Variants in COL22A1 observed in about 807,000 individuals in gnomAD.
COL22A1 encodes collagen alpha-1(XXII) chain.
In COL22A1, 221 loss-of-function variants were observed where a neutral mutation model predicts 248.9. The observed-to-expected ratio is 0.89, with a 90% CI of 0.80 to 0.99. The LOEUF (loss-of-function observed/expected upper bound fraction) is 0.99. Among genes scored for constraint, COL22A1 ranks in the 50% least tolerant of loss-of-function variants. COL22A1 has a pLI of 0.00. For missense variants in COL22A1, 2,240 were observed against 2,179.0 expected (o/e 1.03, Z -0.56); for synonymous variants, 891 against 793.4 (o/e 1.12, Z -2.07).
intron 23 of COL22A1, among the ~76,000 whole-genome samples, chr8:138,728,447 C>T (rs944395420): frequency 4.6e-5 from 7 of 152,120 alleles, no homozygotes; most frequent in African/African-American, 1.7e-4. Context: ...ATTCAGTTCC[C>T]TTCCCTCCTT....
At chr8:138,842,414 G>A (rs751848664) in intron 4 of COL22A1, among the ~76,000 whole-genome samples, 13 of 152,264 alleles carry the variant, frequency 8.5e-5, no homozygotes, top group South Asian at 2.1e-4. Context: ...AAGGACTCAC[G>A]GCTCCCAAAG....
intron 4 of COL22A1, among the ~76,000 whole-genome samples, chr8:138,836,092 G>A (rs1274083325): frequency 1.5e-4 from 23 of 152,170 alleles, no homozygotes; most frequent in Admixed American, 1.5e-3. Flanking sequence ...CCAACATGGT[G>A]AGACCCTGTC....
chr8:138,689,081 A>T (rs180826340), intron 36 of COL22A1, 111 bp from the exon 37 acceptor site: 3 of 817,568 alleles, frequency 3.7e-6, no homozygotes, highest in Non-Finnish European at 4.3e-6. Context: ...CAACGACTAC[A>T]GCTCCCACCC....
intron 53 of COL22A1, 105 bp from the exon 54 acceptor site, chr8:138,617,063 T>C: frequency 3.4e-6 from 4 of 1,177,272 alleles, no homozygotes; most frequent in Non-Finnish European, 3.8e-6. Context: ...CCCCCGCTCA[T>C]TCTTTACCAT....
chr8:138,658,210 C>T (rs1301527134), intron 44 of COL22A1, among the ~76,000 whole-genome samples: 1 of 152,192 alleles, frequency 6.6e-6, no homozygotes, highest in Non-Finnish European at 1.5e-5. Context: ...TAATAATTAG[C>T]TCAGCAGGCC....
At chr8:138,655,788 G>A (rs914865603) in intron 45 of COL22A1, 109 bp downstream of exon 45, 10 of 917,510 alleles carry the variant, frequency 1.1e-5, no homozygotes, top group East Asian at 7.2e-5. Context: ...TGCTGTTATC[G>A]TTAATACTAC....
At chr8:138,611,492 G>A (rs545713705) in intron 56 of COL22A1, among the ~76,000 whole-genome samples, 5 of 152,232 alleles carry the variant, frequency 3.3e-5, no homozygotes, top group Non-Finnish European at 7.3e-5. Context: ...GGGCTCTGGA[G>A]CAGGGTTTCT....
intron 32 of COL22A1, among the ~76,000 whole-genome samples, chr8:138,699,530 A>G (rs1363658624): frequency 6.6e-6 from 1 of 152,228 alleles, no homozygotes; most frequent in Non-Finnish European, 1.5e-5. Flanking sequence ...CTGAAGAGCC[A>G]TTCGTGAAAA....
intron 13 of COL22A1, 28 bp downstream of exon 13, chr8:138,780,899 G>A: frequency 6.3e-7 from 1 of 1,599,796 alleles, no homozygotes. Flanking sequence ...ACTGCCTTGT[G>A]AGCCAGGGCA....
intron 7 of COL22A1, among the ~76,000 whole-genome samples, chr8:138,819,195 T>G (rs1681289500): frequency 6.6e-6 from 1 of 152,214 alleles, no homozygotes; most frequent in African/African-American, 2.4e-5. Flanking sequence ...GAATGCCACT[T>G]CCTAAAATTT....
At chr8:138,907,426 T>C (rs1406173890) in intron 1 of COL22A1, among the ~76,000 whole-genome samples, 1 of 152,258 alleles carries the variant, frequency 6.6e-6, no homozygotes, top group Non-Finnish European at 1.5e-5. Flanking sequence ...AGGTTCTGTC[T>C]GAGCAAAGGA....
chr8:138,687,076 C>T (rs893277070), intron 37 of COL22A1, among the ~76,000 whole-genome samples: 1 of 152,222 alleles, frequency 6.6e-6, no homozygotes, highest in Non-Finnish European at 1.5e-5. Flanking sequence ...TGTGCCTCAG[C>T]TTCCCAAGTA....
At chr8:138,864,285 G>A (rs1186766493) in intron 3 of COL22A1, among the ~76,000 whole-genome samples, 1 of 152,016 alleles carries the variant, frequency 6.6e-6, no homozygotes, top group East Asian at 1.9e-4. Context: ...CTGGGCCCAG[G>A]GGGCTTTAAG....
At chr8:138,796,797 G>A in intron 12 of COL22A1, 22 bp downstream of exon 12, 1 of 1,541,838 alleles carries the variant, frequency 6.5e-7, no homozygotes, top group Non-Finnish European at 9.0e-7. Flanking sequence ...TTGGAGGAGT[G>A]TGATAAAAGG....
In COL22A1 at chr8:138,619,456, G is replaced by A; in HGVS notation, c.3824C>T (p.Pro1275Leu). 2 of 1,613,982 alleles carry A rather than the reference G, an allele frequency of 1.2e-6. No individual in the cohort carries two copies. The highest frequency in any genetic ancestry group is 1.3e-5 in the African/African-American group (1 of 75,044). ...LPGPEGARGP[P>L]GFKGHTGDSG... is the part of the protein sequence containing the mutation. Reference sequence around the variant, plus strand: ...TCCCCACACACACTACACACTTACAGGTGGGCCTCGGGCACCCTCTGGTCC... The same window carrying A: ...TCCCCACACACACTACACACTTACAAGTGGGCCTCGGGCACCCTCTGGTCC... The change falls in exon 53 of 65, where the codon CCT becomes CTT. Residue 1275 changes from proline (P) to leucine (L), a missense_variant and splice_region_variant. Coordinates refer to ENST00000303045, the MANE Select transcript of COL22A1 (RefSeq NM_152888.3).
chr8:138,854,761 G>A (rs1057474868), intron 3 of COL22A1, among the ~76,000 whole-genome samples: 2 of 152,132 alleles, frequency 1.3e-5, no homozygotes, highest in Admixed American at 6.5e-5. Flanking sequence ...TCTTCTCATA[G>A]AGACAGCTTG....
At chr8:138,760,101 C>T in intron 18 of COL22A1, 142 bp downstream of exon 18, 1 of 491,252 alleles carries the variant, frequency 2.0e-6, no homozygotes, top group Non-Finnish European at 3.5e-6. Flanking sequence ...GTTCCTGATG[C>T]CCCAGCCACC....
intron 9 of COL22A1, among the ~76,000 whole-genome samples, chr8:138,810,410 T>G (rs1818114118): frequency 6.6e-6 from 1 of 152,176 alleles, no homozygotes; most frequent in South Asian, 2.1e-4. Context: ...CATTGACATG[T>G]AAAAACCATA....
In COL22A1 at chr8:138,589,367, T is replaced by C; in HGVS notation, c.4767A>G (p.Pro1589=). The C allele has an allele frequency of 6.2e-7, 1 of 1,610,276 alleles. No homozygotes were observed. Among genetic ancestry groups the C allele is most frequent in the African/African-American group, 1.3e-5 (1 of 74,786 alleles). ...GTCCTGGGAGGCCAGGATGTCCAGC[T>C]GGTCCTGTCTCCCCTTGAGGGCCAG... ...GIPGPQGETG[P]AGHPGLPGPP... Residue 1589 remains proline (P), a synonymous_variant, in exon 65 of 65, where the codon CCA becomes CCG. Coordinates refer to ENST00000303045, the MANE Select transcript of COL22A1 (RefSeq NM_152888.3).
Sources: gnomAD v4.1 joint callset for allele counts (sites outside exome capture counted in the v4.1 genomes callset) on GRCh38, gnomAD v4.1.1 for gene constraint, MANE v1.5 for transcripts, NCBI Gene and HGNC (gene_info 2026-07-23, HGNC 2026-07-21) for gene names.